BPIFB2: variants seen among roughly 807,000 people sequenced by gnomAD.
The protein encoded by BPIFB2 is BPI fold containing family B member 2.
Under a neutral mutation model 50.1 loss-of-function variants are expected in BPIFB2, and 39 were observed. That is an observed-to-expected ratio of 0.78 (90% CI 0.60 to 1.02). The LOEUF is 1.02. BPIFB2 is among the 50% of genes least tolerant of loss of function. BPIFB2 has a pLI of 0.00. For missense variants in BPIFB2, 574 were observed against 585.8 expected (o/e 0.98, Z 0.21); for synonymous variants, 280 against 256.3 (o/e 1.09, Z -0.88).
chr20:33,018,863 G>A (rs1399317931), intron 9 of BPIFB2, 41 bp downstream of exon 9: 2 of 1,588,458 alleles, frequency 1.3e-6, no homozygotes, highest in East Asian at 2.2e-5. Context: ...TGGGGCAAGA[G>A]CTCCCTGTGG....
intron 15 of BPIFB2, 40 bp from the exon 16 acceptor site, chr20:33,023,302 G>T (rs1978746819): frequency 6.2e-7 from 1 of 1,601,394 alleles, no homozygotes. Flanking sequence ...TCCTGCCTGT[G>T]CCTCCTCTGA....
chr20:33,012,799 G>C lies in BPIFB2; in HGVS notation c.204-4G>C. ...ACTCTGTCACCTTGATTACTACCCT[G>C]CAGGATCCGGATTCTGAATGTCCAT... On this transcript the variant is annotated splice_region_variant and splice_polypyrimidine_tract_variant and intron_variant, in intron 3 of 15. Transcript: ENST00000170150. 1 of 1,610,768 alleles carries C rather than the reference G, an allele frequency of 6.2e-7. No individual in the cohort carries two copies. The highest frequency in any genetic ancestry group is 8.5e-7 in the Non-Finnish European group (1 of 1,176,984).
At chr20:33,011,499 C>G (rs1219468788) in intron 3 of BPIFB2, among the ~76,000 whole-genome samples, 1 of 152,196 alleles carries the variant, frequency 6.6e-6, no homozygotes, top group Non-Finnish European at 1.5e-5. Context: ...TACCTCCACC[C>G]TACTCTGCTT....
At chr20:33,018,917 G>A in intron 9 of BPIFB2, 95 bp downstream of exon 9, 1 of 1,567,626 alleles carries the variant, frequency 6.4e-7, no homozygotes, top group South Asian at 1.2e-5. Context: ...ATGGGTGGGT[G>A]GGGCCGCTGA....
At chr20:33,010,900 T>C in intron 2 of BPIFB2, 124 bp from the exon 3 acceptor site, 1 of 795,540 alleles carries the variant, frequency 1.3e-6, no homozygotes, top group African/African-American at 1.7e-5. Flanking sequence ...ATGCTTGGAG[T>C]AAGCCTACCC....
rs761648157 is a variant in BPIFB2, at chr20:33,018,625, C to T, written c.670-12C>T. The stretch of plus-strand genomic sequence containing the variant: ...GCTGCTTTTCTCCCACTTCCCCCTC[C>T]CACCCCTACAGGCTGTTCTCTTCCT... On this transcript the variant is annotated splice_polypyrimidine_tract_variant and intron_variant, in intron 8 of 15. Transcript: ENST00000170150. 6.3e-7 allele frequency: 1 copy of T among 1,595,086 alleles called. No homozygotes were observed. The highest frequency in any genetic ancestry group is 8.6e-7 in the Non-Finnish European group (1 of 1,169,204).
At chr20:33,010,618 C>T (rs1448692230) in intron 2 of BPIFB2, among the ~76,000 whole-genome samples, 1 of 152,078 alleles carries the variant, frequency 6.6e-6, no homozygotes, top group Non-Finnish European at 1.5e-5. Flanking sequence ...CAAGGGACGT[C>T]CCCTCTGCTC....
chr20:33,009,916 G>A lies in BPIFB2; in HGVS notation c.110-1108G>A, dbSNP rs540462597. ...GCAAGCCCCAGAGTTCAAACCCTGCGTCAAGGGAGCACTGTAGATGGAGTC... is the reference window on the plus strand; with the variant it reads ...GCAAGCCCCAGAGTTCAAACCCTGCATCAAGGGAGCACTGTAGATGGAGTC... On this transcript the variant is annotated intron_variant, in intron 2 of 15. Transcript: ENST00000170150. The surrounding 1 kb of genome is among the most constrained non-coding windows in gnomAD (Gnocchi z 4.2). 3.8e-4 allele frequency among the ~76,000 whole-genome samples: 58 copies of A among 152,346 alleles called. No homozygotes were observed. In the South Asian group the frequency reaches 8.7e-3, roughly 23 times the overall value.
intron 5 of BPIFB2, among the ~76,000 whole-genome samples, chr20:33,014,938 TC>T (rs1188872719): frequency 6.6e-6 from 1 of 152,142 alleles, no homozygotes; most frequent in Admixed American, 6.5e-5. Context: ...GTGGCTTGGA[TC>T]GACATTTTTG....
intron 11 of BPIFB2, among the ~76,000 whole-genome samples, chr20:33,020,114 T>A (rs994322029): frequency 1.3e-5 from 2 of 152,206 alleles, no homozygotes; most frequent in African/African-American, 4.8e-5. Context: ...ACGGTCCCCC[T>A]CTCCCACAGC....
intron 5 of BPIFB2, among the ~76,000 whole-genome samples, chr20:33,015,182 C>T (rs1186366592): frequency 6.6e-6 from 1 of 152,212 alleles, no homozygotes; most frequent in South Asian, 2.1e-4. Flanking sequence ...GCAACGCCCT[C>T]TCTGTCTCAC....
chr20:33,017,156 C>T (rs1324619394), intron 7 of BPIFB2, 54 bp downstream of exon 7: 13 of 1,543,498 alleles, frequency 8.4e-6, no homozygotes, highest in Non-Finnish European at 1.1e-5. Context: ...CCCCTGGAGC[C>T]CCTAGAACCC....
chr20:33,012,182 T>C (rs1990297866), intron 3 of BPIFB2, among the ~76,000 whole-genome samples: 2 of 152,160 alleles, frequency 1.3e-5, no homozygotes, highest in Non-Finnish European at 2.9e-5. Flanking sequence ...CGACCAAAGA[T>C]GCCTAAATCA....
At chr20:33,016,955 A>G in intron 6 of BPIFB2, 87 bp from the exon 7 acceptor site, 1 of 1,253,328 alleles carries the variant, frequency 8.0e-7, no homozygotes, top group African/African-American at 1.5e-5. Context: ...AGGCTTCTAG[A>G]CAGGGACTCT....
Position 33,019,131 on chromosome 20 carries a change from G to A in BPIFB2, c.909+16G>A, listed in dbSNP as rs772638335. On this transcript the variant is annotated intron_variant, in intron 10 of 15. Transcript: ENST00000170150. Reference sequence around the variant, plus strand: ...CATCCCGGAGGTCGGTGATGTTTCTGATCATTCCAGGGACTGAGACAAGGG... The same window carrying A: ...CATCCCGGAGGTCGGTGATGTTTCTAATCATTCCAGGGACTGAGACAAGGG... 3 of 1,614,072 alleles carry A rather than the reference G, an allele frequency of 1.9e-6. No homozygotes were observed. Among genetic ancestry groups the A allele is most frequent in the Non-Finnish European group, 2.5e-6 (3 of 1,179,996 alleles).
chr20:33,021,335 C>T lies in BPIFB2; in HGVS notation c.1249C>T (p.His417Tyr). 1 of 1,613,446 alleles carries T rather than the reference C, an allele frequency of 6.2e-7. No homozygotes were observed. The highest frequency in any genetic ancestry group is 8.5e-7 in the Non-Finnish European group (1 of 1,179,790). The stretch of plus-strand genomic sequence containing the variant: ...CGTTTTTGAGAAGCCCCTGCTGGAC[C>T]ATCTCAATGGTAAGCCCTGCCCTCC... ...GTVFEKPLLD[H>Y]LNALLAMGIA... is the part of the protein sequence containing the mutation. Residue 417 changes from histidine to tyrosine, a missense_variant, in exon 14 of 16, where the codon CAT becomes TAT. By Grantham distance (83) the His-to-Tyr change is moderately conservative. Coordinates refer to ENST00000170150, the MANE Select transcript of BPIFB2 (RefSeq NM_025227.3).
At position 33,021,731 on chromosome 20, in the gene BPIFB2, G is replaced by A. The variant is rs534917505; in HGVS notation, c.1267G>A (p.Ala423Thr). The A allele has an allele frequency of 6.2e-7, 1 of 1,614,124 alleles. No individual in the cohort carries two copies. Among genetic ancestry groups the A allele is most frequent in the South Asian group, 1.1e-5 (1 of 91,078 alleles). Residue 423 changes from alanine (A) to threonine (T), a missense_variant, in exon 15 of 16, where the codon GCC (alanine) becomes ACC (threonine). By Grantham distance (58) the Ala-to-Thr change is moderately conservative. Transcript: ENST00000170150. Reference protein sequence around the residue: ...PLLDHLNALLAMGIALPGVVN... With the variant: ...PLLDHLNALLTMGIALPGVVN... ...TTCTTTCTCGCCTGCAGCTCTCTTG[G>A]CCATGGGAATTGCCCTCCCTGGTGT...
At chr20:33,010,043 G>T (rs943025364) in intron 2 of BPIFB2, among the ~76,000 whole-genome samples, 1 of 152,232 alleles carries the variant, frequency 6.6e-6, no homozygotes, top group Non-Finnish European at 1.5e-5. Context: ...TGTTGGGGGA[G>T]ACTAAGAACC....
chr20:33,022,754 G>GTAATTAGCCATAGGACTAAT (rs1025858903), intron 15 of BPIFB2, among the ~76,000 whole-genome samples: 1 of 152,218 alleles, frequency 6.6e-6, no homozygotes, highest in African/African-American at 2.4e-5. Context: ...GAATTTCCAT[G>GTAATTAGCCATAGGACTAAT]TAATTAGCCA....
Sources: allele counts gnomAD v4.1 joint callset (sites outside exome capture counted in the v4.1 genomes callset), GRCh38; gene constraint gnomAD v4.1.1; non-coding constraint Gnocchi (gnomAD v3.1); transcripts MANE v1.5; gene names NCBI Gene and HGNC (gene_info 2026-07-23, HGNC 2026-07-21).